Variants in MAN2A1 observed in about 807,000 individuals in gnomAD.
The protein encoded by MAN2A1 is mannosidase alpha class 2A member 1, also known as alpha-mannosidase 2.
A neutral mutation model predicts 142.6 loss-of-function variants in MAN2A1; 76 were observed. That is an observed-to-expected ratio of 0.53 (90% CI 0.44 to 0.65). The LOEUF is 0.65. MAN2A1 is among the 30% of genes least tolerant of loss of function. The pLI, the probability that MAN2A1 is intolerant of heterozygous loss-of-function variation, is 0.00. For missense variants in MAN2A1, 1,311 were observed against 1,365.1 expected (o/e 0.96, Z 0.62); for synonymous variants, 559 against 473.2 (o/e 1.18, Z -2.35).
chr5:109,798,885 G>T (rs13177811), intron 12 of MAN2A1, among the ~76,000 whole-genome samples: 56,862 of 151,774 alleles, frequency 0.37, 11,501 homozygotes, highest in African/African-American at 0.53. Flanking sequence ...GTAGAGACTG[G>T]GTTTCACCGT....
At chr5:109,831,044 G>C (rs1444147494) in intron 16 of MAN2A1, among the ~76,000 whole-genome samples, 1 of 152,174 alleles carries the variant, frequency 6.6e-6, no homozygotes, top group African/African-American at 2.4e-5. Context: ...ATATGTAATG[G>C]CTCAGAGTTG....
chr5:109,846,577 T>C (rs996445008), intron 18 of MAN2A1, among the ~76,000 whole-genome samples: 11 of 152,200 alleles, frequency 7.2e-5, no homozygotes, highest in African/African-American at 2.7e-4. Flanking sequence ...AGTCTTTCTA[T>C]TGAGAGGCTT....
intron 16 of MAN2A1, among the ~76,000 whole-genome samples, chr5:109,832,044 G>T (rs2074728449): frequency 6.6e-6 from 1 of 150,764 alleles, no homozygotes. Flanking sequence ...ATCCATTGAT[G>T]AATGTCACTC....
At chr5:109,781,936 C>T (rs984034544) in intron 9 of MAN2A1, among the ~76,000 whole-genome samples, 1 of 152,140 alleles carries the variant, frequency 6.6e-6, no homozygotes, top group African/African-American at 2.4e-5. Context: ...TGAGTGTCTG[C>T]AGGCTGGTAA....
chr5:109,723,453 T>C (rs1561478826), intron 3 of MAN2A1, among the ~76,000 whole-genome samples: 1 of 152,220 alleles, frequency 6.6e-6, no homozygotes. Flanking sequence ...CTTAGTCGAT[T>C]ACTAAGTTCT....
chr5:109,745,163 A>G (rs1752367186), intron 4 of MAN2A1, among the ~76,000 whole-genome samples: 1 of 152,150 alleles, frequency 6.6e-6, no homozygotes, highest in South Asian at 2.1e-4. Context: ...TGGTGGAAGT[A>G]GTCTATATTA....
At chr5:109,743,435 T>G (rs1041523599) in intron 4 of MAN2A1, among the ~76,000 whole-genome samples, 2 of 152,194 alleles carry the variant, frequency 1.3e-5, no homozygotes, top group Non-Finnish European at 2.9e-5. Flanking sequence ...CTTTATCATC[T>G]TCATTCTCCT....
Position 109,842,806 on chromosome 5 carries a change from G to GTTTT in MAN2A1, c.2700+359_2700+362dup, listed in dbSNP as rs768238978. On this transcript the variant is annotated intron_variant, in intron 17 of 21. Transcript: ENST00000261483. The stretch of plus-strand genomic sequence containing the variant: ...GGGATTGATGGATTATACTTATTGG[G>GTTTT]TTTTTTTTTTTTTTTTTGAGAAAGA... 1.3e-4 allele frequency among the ~76,000 whole-genome samples: 15 copies of GTTTT among 116,180 alleles called. 1 individual carries two copies. The highest frequency in any genetic ancestry group is 4.6e-4 in the Admixed American group (5 of 10,818). 76.2% of individuals were successfully genotyped at this position (116,180 alleles called of 152,430 possible).
At chr5:109,732,206 GTTGT>G (rs1238552974) in intron 4 of MAN2A1, among the ~76,000 whole-genome samples, 1 of 150,032 alleles carries the variant, frequency 6.7e-6, no homozygotes, top group African/African-American at 2.5e-5. Flanking sequence ...TTTTGATGGG[GTTGT>G]TTGTTTTTTT....
chr5:109,845,896 C>G lies in MAN2A1; in HGVS notation c.2732C>G (p.Pro911Arg). 1 of 1,613,436 alleles carries G rather than the reference C, an allele frequency of 6.2e-7. No individual in the cohort carries two copies. Among genetic ancestry groups the G allele is most frequent in the Admixed American group, 1.7e-5 (1 of 59,940 alleles). The change falls in exon 18 of 22, where the codon CCT becomes CGT. Residue 911 changes from proline (P) to arginine (R), a missense_variant. By Grantham distance (103) the Pro-to-Arg change is moderately radical. This residue lies in a region of MAN2A1 where 890 missense variants were observed against 920.5 expected (regional missense o/e 0.97). Coordinates refer to ENST00000261483, the MANE Select transcript of MAN2A1 (RefSeq NM_002372.4). ...IQPRMTLSKL[P>R]LQANVYPMTT... ...CCTAGAATGACACTGAGCAAATTGC[C>G]TCTTCAAGCAAATGTCTATCCCATG...
intron 4 of MAN2A1, among the ~76,000 whole-genome samples, chr5:109,739,389 G>A (rs1000343814): frequency 6.6e-6 from 1 of 152,030 alleles, no homozygotes; most frequent in African/African-American, 2.4e-5. Context: ...TGTTTCATTT[G>A]TTTTAGAATT....
intron 5 of MAN2A1, among the ~76,000 whole-genome samples, chr5:109,761,956 A>G (rs1413038268): frequency 1.3e-5 from 2 of 152,094 alleles, no homozygotes; most frequent in Non-Finnish European, 2.9e-5. Context: ...TTTGTTTTAA[A>G]CAGTATTTTA....
At chr5:109,699,345 C>T (rs1300135663) in intron 1 of MAN2A1, among the ~76,000 whole-genome samples, 1 of 152,062 alleles carries the variant, frequency 6.6e-6, no homozygotes, top group Non-Finnish European at 1.5e-5. Context: ...AAATTGAAAA[C>T]CAGTAAACAA....
At chr5:109,807,362 A>T (rs1321892829) in intron 12 of MAN2A1, among the ~76,000 whole-genome samples, 1 of 152,216 alleles carries the variant, frequency 6.6e-6, no homozygotes, top group East Asian at 1.9e-4. Flanking sequence ...TGCTATAATA[A>T]ATTACCAACA....
chr5:109,820,039 T>C (rs958720842), intron 14 of MAN2A1, 152 bp downstream of exon 14: 8 of 789,016 alleles, frequency 1.0e-5, no homozygotes, highest in African/African-American at 6.9e-5. Flanking sequence ...TGCACCTTCA[T>C]TGACCACTTG....
rs569894557 is a variant in MAN2A1, at chr5:109,748,227, T to C, written c.708-7102T>C. On this transcript the variant is annotated intron_variant, in intron 4 of 21. Transcript: ENST00000261483. ...TGCCAGCAGTATGTGAGACTACTTATGTCTACATCCTTAACATCACAGTAT... is the reference window on the plus strand; with the variant it reads ...TGCCAGCAGTATGTGAGACTACTTACGTCTACATCCTTAACATCACAGTAT... Among the ~76,000 whole-genome samples the C allele has an allele frequency of 2.0e-5, 3 of 152,328 alleles. No individual in the cohort carries two copies. In the East Asian group the frequency reaches 5.8e-4, roughly 29 times the overall value.
intron 3 of MAN2A1, among the ~76,000 whole-genome samples, chr5:109,720,579 A>G (rs1311675492): frequency 6.6e-6 from 1 of 152,216 alleles, no homozygotes; most frequent in Non-Finnish European, 1.5e-5. Context: ...TAATATCTCT[A>G]TTAGGGGTGT....
intron 12 of MAN2A1, among the ~76,000 whole-genome samples, chr5:109,803,223 A>G (rs1754078370): frequency 6.6e-6 from 1 of 152,096 alleles, no homozygotes; most frequent in Admixed American, 6.5e-5. Context: ...AATTAAACAG[A>G]TAGATTGCAT....
intron 12 of MAN2A1, among the ~76,000 whole-genome samples, chr5:109,796,288 CAT>C (rs776695893): frequency 3.3e-5 from 5 of 152,104 alleles, no homozygotes; most frequent in African/African-American, 4.8e-5. Flanking sequence ...AAGATTATCA[CAT>C]GTTTGGTTAT....
Sources: allele counts gnomAD v4.1 joint callset (sites outside exome capture counted in the v4.1 genomes callset), GRCh38; gene constraint gnomAD v4.1.1; regional missense constraint gnomAD v4.1.1; transcripts MANE v1.5; gene names NCBI Gene and HGNC (gene_info 2026-07-23, HGNC 2026-07-21).